The following CLDN14 variants were observed in gnomAD, a reference collection of about 807,000 sequenced individuals.
CLDN14 encodes claudin-14.
CLDN14 carries 2 observed loss-of-function variants against 2.1 expected under a neutral mutation model. That is an observed-to-expected ratio of 0.96 (90% CI 0.39 to 3.01). CLDN14 has a LOEUF of 3.01. CLDN14 is among the 30% of genes most tolerant of loss of function. CLDN14 has a pLI of 0.09. For synonymous variants in CLDN14, 136 were observed against 154.4 expected, an observed-to-expected ratio of 0.88 and a Z score of 0.88; for missense variants, 298 against 328.0, an observed-to-expected ratio of 0.91 and a Z score of 0.71.
intron 2 of CLDN14, among the ~76,000 whole-genome samples, chr21:36,489,307 G>C (rs1326492278): frequency 6.6e-6 from 1 of 151,654 alleles, no homozygotes; most frequent in African/African-American, 2.4e-5. Flanking sequence ...ACTTGTTTAG[G>C]AGTAAGGAGT....
At chr21:36,511,761 T>C (rs867373222) in intron 1 of CLDN14, among the ~76,000 whole-genome samples, 1 of 152,188 alleles carries the variant, frequency 6.6e-6, no homozygotes, top group Non-Finnish European at 1.5e-5. Flanking sequence ...ACTGATGTTA[T>C]CAGCAGGTTG....
intron 2 of CLDN14, among the ~76,000 whole-genome samples, chr21:36,495,647 C>A (rs2087008944): frequency 6.6e-6 from 1 of 152,240 alleles, no homozygotes. Flanking sequence ...GAGCTTGGGG[C>A]TAGAGCCCCT....
chr21:36,526,916 G>A (rs1301380195), intron 1 of CLDN14, among the ~76,000 whole-genome samples: 5 of 152,202 alleles, frequency 3.3e-5, no homozygotes, highest in Admixed American at 2.0e-4. Context: ...CTCCCGAGAC[G>A]GGGATGTTGA....
chr21:36,506,180 T>C (rs1280210525), intron 2 of CLDN14, among the ~76,000 whole-genome samples: 1 of 152,360 alleles, frequency 6.6e-6, no homozygotes, highest in Non-Finnish European at 1.5e-5. Flanking sequence ...CAGATTAGTA[T>C]GCACCATTAA....
chr21:36,465,198 G>C (rs553689498), intron 1 of CLDN14, among the ~76,000 whole-genome samples: 1 of 152,144 alleles, frequency 6.6e-6, no homozygotes, highest in Non-Finnish European at 1.5e-5. Flanking sequence ...GGCCACACAG[G>C]GTGTCCCTGG....
intron 2 of CLDN14, among the ~76,000 whole-genome samples, chr21:36,497,768 G>A (rs539966743): frequency 2.0e-5 from 3 of 152,214 alleles, no homozygotes; most frequent in East Asian, 3.9e-4. Context: ...AGACACCTGC[G>A]TGATCCATCC....
intron 1 of CLDN14, among the ~76,000 whole-genome samples, chr21:36,522,529 C>G (rs1757093981): frequency 6.6e-6 from 1 of 152,206 alleles, no homozygotes; most frequent in African/African-American, 2.4e-5. Flanking sequence ...TTCAGCCGCC[C>G]TCGTTTTCAT....
At position 36,551,908 on chromosome 21, in the gene CLDN14, C is replaced by T. The variant is rs550021481; in HGVS notation, c.-220+24503G>A. ...TCCCAGCCGCAGACAAGCCATCCTT[C>T]TTGGCTGCTGTTTTCATCATTTTTT... On this transcript the variant is annotated intron_variant, in intron 1 of 2. Coordinates refer to the CLDN14 transcript ENST00000342108. This position sits in a 1 kb window ranked among gnomAD's most constrained non-coding sequence, Gnocchi z 4.8. Among the ~76,000 whole-genome samples, 6 of 152,286 alleles carry T rather than the reference C, an allele frequency of 3.9e-5. No individual in the cohort carries two copies. Among genetic ancestry groups the T allele is most frequent in the African/African-American group, 1.4e-4 (6 of 41,542 alleles).
intron 1 of CLDN14, among the ~76,000 whole-genome samples, chr21:36,573,643 T>G (rs1290541533): frequency 6.6e-6 from 1 of 152,194 alleles, no homozygotes; most frequent in Non-Finnish European, 1.5e-5. Flanking sequence ...TAATTAGTCT[T>G]AAATTATTTA....
intron 1 of CLDN14, among the ~76,000 whole-genome samples, chr21:36,572,247 C>A (rs420885): frequency 0.49 from 74,702 of 151,984 alleles, 20,528 homozygotes; most frequent in Non-Finnish European, 0.62. Context: ...TAACCTGAAT[C>A]TGTGCAGGGG....
At chr21:36,489,198 GAGAGAGAGAA>G (rs1366892665) in intron 2 of CLDN14, among the ~76,000 whole-genome samples, 7 of 122,236 alleles carry the variant, frequency 5.7e-5, no homozygotes, top group African/African-American at 2.5e-4. Flanking sequence ...GGGCGGGAGA[GAGAGAGAGAA>G]AGAGAGAGAG....
In CLDN14 at chr21:36,498,157, T is replaced by C. The variant is rs895542340; in HGVS notation, c.-82+12206A>G. On this transcript the variant is annotated intron_variant, in intron 2 of 2. Transcript: ENST00000342108. This position sits in a 1 kb window ranked among gnomAD's most constrained non-coding sequence, Gnocchi z 4.9. ...CTGGGATTACAGGCACCCACCACCA[T>C]GCCCAGCTAATTTTTGTATTCTTAG... 6.6e-6 allele frequency among the ~76,000 whole-genome samples: 1 copy of C among 151,774 alleles called. No homozygotes were observed. Among genetic ancestry groups the C allele is most frequent in the Non-Finnish European group, 1.5e-5 (1 of 67,990 alleles).
chr21:36,525,602 G>C (rs182541114), intron 1 of CLDN14, among the ~76,000 whole-genome samples: 4 of 152,258 alleles, frequency 2.6e-5, no homozygotes, highest in Admixed American at 2.6e-4. Context: ...TGGAAACCTG[G>C]CAGAGGTGTG....
rs2087297111 is a variant in CLDN14, at chr21:36,523,799, GAAAGAAAGAAAGAA to G, written c.-219-13313_-219-13300del. Among the ~76,000 whole-genome samples the G allele has an allele frequency of 4.0e-5, 5 of 125,918 alleles. 1 individual carries two copies. Among genetic ancestry groups the G allele is most frequent in the African/African-American group, 1.7e-4 (5 of 28,992 alleles). The allele number at this position is 125,918 out of a possible 152,430, so 82.6% of individuals were successfully genotyped here. ...AGAAAGAGAGAAAGAAAGAAAGAAA[GAAAGAAAGAAAGAA>G]AGAAAGAAAGAAAGAAAGAAAGAAA... On this transcript the variant is annotated intron_variant, in intron 1 of 2. Coordinates refer to the CLDN14 transcript ENST00000342108.
chr21:36,534,396 C>G (rs1424439801), intron 1 of CLDN14, among the ~76,000 whole-genome samples: 3 of 152,156 alleles, frequency 2.0e-5, no homozygotes, highest in Admixed American at 1.3e-4. Flanking sequence ...GGACGATCCC[C>G]CCGTGGGAAC....
chr21:36,508,405 C>G (rs191150813), intron 2 of CLDN14, among the ~76,000 whole-genome samples: 1 of 152,192 alleles, frequency 6.6e-6, no homozygotes, highest in Non-Finnish European at 1.5e-5. Flanking sequence ...CTTCACAATC[C>G]TATCGGGCAT....
intron 2 of CLDN14, among the ~76,000 whole-genome samples, chr21:36,504,022 A>G (rs1437737689): frequency 6.7e-6 from 1 of 148,472 alleles, no homozygotes; most frequent in African/African-American, 2.5e-5. Flanking sequence ...CATGCTATCT[A>G]GTATGTCACA....
chr21:36,542,923 A>T (rs1321449731), intron 1 of CLDN14: 1 of 152,656 alleles, frequency 6.6e-6, no homozygotes, highest in Non-Finnish European at 1.5e-5. Flanking sequence ...GCACGTGCAA[A>T]ATGCCTTGCA....
At chr21:36,522,989 C>A (rs1783161468) in intron 1 of CLDN14, among the ~76,000 whole-genome samples, 1 of 152,146 alleles carries the variant, frequency 6.6e-6, no homozygotes. Context: ...GCAGGCAGAA[C>A]TTCATGTCAC....
Sources: allele counts gnomAD v4.1 joint callset (sites outside exome capture counted in the v4.1 genomes callset), GRCh38; gene constraint gnomAD v4.1.1; non-coding constraint Gnocchi (gnomAD v3.1); transcripts MANE v1.5; gene names NCBI Gene and HGNC (gene_info 2026-07-23, HGNC 2026-07-21).